The following SNX25 variants were observed in gnomAD, a reference collection of about 807,000 sequenced individuals.
SNX25 encodes sorting nexin 25, also known as sorting nexin-25.
SNX25 carries 62 observed loss-of-function variants against 113.7 expected under a neutral mutation model. The ratio of observed to expected loss-of-function variants is 0.55; its 90% CI spans 0.44 to 0.67. The LOEUF is 0.67. Ranked by LOEUF, SNX25 falls within the 30% of genes least tolerant of loss-of-function variation. The pLI is 0.00. For missense variants in SNX25, 1,014 were observed against 1,161.0 expected (o/e 0.87, Z 1.84); for synonymous variants, 421 against 436.2 (o/e 0.97, Z 0.43).
intron 1 of SNX25, among the ~76,000 whole-genome samples, chr4:185,244,864 TG>T (rs1744604291): frequency 6.6e-6 from 1 of 152,178 alleles, no homozygotes; most frequent in Non-Finnish European, 1.5e-5. Flanking sequence ...AGGAGACTTT[TG>T]TTTGTTTTTA....
downstream of SNX25, among the ~76,000 whole-genome samples, chr4:185,371,351 A>G (rs886833284): frequency 9.9e-5 from 15 of 152,170 alleles, no homozygotes; most frequent in East Asian, 2.9e-3. Context: ...CATCCTGGCT[A>G]ACATGGTGAA....
intron 6 of SNX25, among the ~76,000 whole-genome samples, chr4:185,309,711 C>T (rs1754978820): frequency 1.3e-5 from 2 of 152,212 alleles, no homozygotes; most frequent in Admixed American, 1.3e-4. Context: ...CACTATCTCC[C>T]TCCTCAGTTG....
chr4:185,335,134 A>G (rs1206960248), intron 10 of SNX25, among the ~76,000 whole-genome samples: 1 of 152,140 alleles, frequency 6.6e-6, no homozygotes, highest in Non-Finnish European at 1.5e-5. Flanking sequence ...AGCCTGGCCA[A>G]TGTGGTAAAA....
In SNX25 at chr4:185,341,964, G is replaced by A. The variant is rs1460441232; in HGVS notation, c.2047-12G>A. 1.9e-6 allele frequency: 3 copies of A among 1,569,990 alleles called. No individual in the cohort carries two copies. The highest frequency in any genetic ancestry group is 2.3e-5 in the East Asian group (1 of 43,370). ...GCTTTTTGTAAGTATCGATTTTGAT[G>A]TTTTCCCCAAGGTTACAGAAGAGAA... On this transcript the variant is annotated splice_polypyrimidine_tract_variant and intron_variant, in intron 11 of 18. Transcript: ENST00000652585.
At chr4:185,239,489 A>G (rs1335098519) in intron 1 of SNX25, among the ~76,000 whole-genome samples, 1 of 152,188 alleles carries the variant, frequency 6.6e-6, no homozygotes, top group Non-Finnish European at 1.5e-5. Flanking sequence ...CTCAAAAAGA[A>G]AAAAAATAAA....
chr4:185,273,959 G>C (rs1380194392), intron 5 of SNX25, among the ~76,000 whole-genome samples: 6 of 152,042 alleles, frequency 3.9e-5, no homozygotes, highest in Admixed American at 3.9e-4. Flanking sequence ...GTATAGTCCA[G>C]AGTCTTCATG....
At chr4:185,341,200 AGT>A (rs1471017886) in intron 11 of SNX25, among the ~76,000 whole-genome samples, 1 of 152,140 alleles carries the variant, frequency 6.6e-6, no homozygotes, top group Non-Finnish European at 1.5e-5. Flanking sequence ...ATTCTGGATT[AGT>A]GTGTGTGTAT....
At chr4:185,222,484 T>G (rs1385582456) in intron 1 of SNX25, among the ~76,000 whole-genome samples, 2 of 146,358 alleles carry the variant, frequency 1.4e-5, no homozygotes, top group East Asian at 4.1e-4. Flanking sequence ...CCCCTCCCTC[T>G]CGGTAGGTTT....
intron 2 of SNX25, among the ~76,000 whole-genome samples, chr4:185,252,443 T>C (rs1241471041): frequency 6.6e-6 from 1 of 152,202 alleles, no homozygotes; most frequent in East Asian, 1.9e-4. Flanking sequence ...CATTAAACAA[T>C]ATACTTGTTA....
chr4:185,359,019 G>C (rs1317638133), intron 16 of SNX25, among the ~76,000 whole-genome samples: 1 of 152,054 alleles, frequency 6.6e-6, no homozygotes, highest in Non-Finnish European at 1.5e-5. Flanking sequence ...TTTCCTTGTG[G>C]TCAGAAACAA....
At chr4:185,374,359 C>T, downstream of SNX25, 1 of 1,614,152 alleles carries the variant, frequency 6.2e-7, no homozygotes, top group Non-Finnish European at 8.5e-7. Context: ...CCTTTTCCTT[C>T]ATAATAAGCT....
chr4:185,205,808 G>C (rs563264523), upstream of SNX25, among the ~76,000 whole-genome samples: 1 of 152,112 alleles, frequency 6.6e-6, no homozygotes, highest in African/African-American at 2.4e-5. Context: ...CAGCCTGGGC[G>C]ACAGAGCAAG....
intron 11 of SNX25, 141 bp downstream of exon 11, chr4:185,339,651 C>T (rs1406428214): frequency 1.9e-6 from 2 of 1,060,222 alleles, no homozygotes; most frequent in East Asian, 2.7e-5. Flanking sequence ...TTCCTTCCCC[C>T]ACAATTTTCA....
At chr4:185,204,716 A>C (rs1359575868), upstream of SNX25, among the ~76,000 whole-genome samples, 1 of 152,194 alleles carries the variant, frequency 6.6e-6, no homozygotes, top group East Asian at 1.9e-4. Flanking sequence ...AGGTCCTTAT[A>C]AGATGGAGAC....
intron 7 of SNX25, among the ~76,000 whole-genome samples, chr4:185,315,089 G>A (rs1252150619): frequency 1.1e-4 from 17 of 150,852 alleles, no homozygotes; most frequent in African/African-American, 3.4e-4. Flanking sequence ...TTAGCCGGGC[G>A]CGGTGGTGGG....
intron 2 of SNX25, among the ~76,000 whole-genome samples, chr4:185,252,871 A>T (rs1200340242): frequency 1.3e-5 from 2 of 152,256 alleles, no homozygotes; most frequent in Non-Finnish European, 2.9e-5. Context: ...TAAATGGCAC[A>T]CTTGAGGAAA....
chr4:185,349,090 CT>C (rs1329452303), intron 13 of SNX25, among the ~76,000 whole-genome samples: 4 of 152,074 alleles, frequency 2.6e-5, no homozygotes, highest in African/African-American at 7.2e-5. Context: ...GGGGTTCGAT[CT>C]TTTGGCTTCC....
At chr4:185,233,709 A>G (rs1742190855) in intron 1 of SNX25, among the ~76,000 whole-genome samples, 1 of 152,028 alleles carries the variant, frequency 6.6e-6, no homozygotes, top group African/African-American at 2.4e-5. Context: ...TGTTTGTCTG[A>G]TTTGAAATAT....
At chr4:185,332,878 C>G (rs543935846) in intron 10 of SNX25, 119 bp downstream of exon 10, 1 of 1,058,542 alleles carries the variant, frequency 9.4e-7, no homozygotes, top group African/African-American at 1.6e-5. Flanking sequence ...GAACAAGTTC[C>G]ATTGTTATTT....
Sources: allele counts gnomAD v4.1 joint callset (sites outside exome capture counted in the v4.1 genomes callset), GRCh38; gene constraint gnomAD v4.1.1; transcripts MANE v1.5; gene names NCBI Gene and HGNC (gene_info 2026-07-23, HGNC 2026-07-21).